The following PAGE4 variants were observed in gnomAD, a reference collection of about 807,000 sequenced individuals.
PAGE4 encodes PAGE family member 4.
Under a neutral mutation model 8.5 loss-of-function variants are expected in PAGE4, and 1 was observed. The ratio of observed to expected loss-of-function variants is 0.12; its 90% CI spans 0.04 to 0.56. The LOEUF is 0.56. Ranked by LOEUF, PAGE4 falls within the 20% of genes least tolerant of loss-of-function variation. The pLI, the probability that PAGE4 is intolerant of heterozygous loss-of-function variation, is 0.91. For missense variants in PAGE4, 93 were observed against 82.7 expected (o/e 1.13, Z -0.49); for synonymous variants, 26 against 26.3 (o/e 0.99, Z 0.04).
Position 49,831,077 on chromosome X carries a change from G to C in PAGE4, c.159G>C (p.Pro53=), listed in dbSNP as rs368401157. 8 of 1,152,160 alleles carry C rather than the reference G, an allele frequency of 6.9e-6. No individual in the cohort carries two copies. The African/African-American group carries it at 1.4e-4, about 21-fold the overall frequency. 95.0% of individuals were successfully genotyped at this position (1,152,160 alleles called of 1,213,427 possible). The change falls in exon 3 of 5, where the codon CCG becomes CCC. Residue 53 remains proline, a synonymous_variant. Coordinates refer to ENST00000218068, the MANE Select transcript of PAGE4 (RefSeq NM_007003.4). ...EPGQEREGTP[P]IEERKVEGDC... is the part of the protein sequence containing the mutation. ...GACAAGAGAGAGAAGGAACACCTCC[G>C]ATCGAAGGTGAGAAGGGCATGGAGG...
Position 49,830,470 on chromosome X carries a change from T to C in PAGE4, c.42T>C (p.Asp14=), listed in dbSNP as rs782528972. 7 of 1,204,280 alleles carry C rather than the reference T, an allele frequency of 5.8e-6. No homozygotes were observed. Among genetic ancestry groups the C allele is most frequent in the South Asian group, 5.4e-5 (3 of 55,941 alleles). The stretch of plus-strand genomic sequence containing the variant: ...GATCAAGATCCAGAGGAAGAGGAGA[T>C]GGTCAGGAGGCTCCCGATGTGGTTG... ...RVRSRSRGRG[D]GQEAPDVVAF... Residue 14 remains aspartate (D), a synonymous_variant, in exon 2 of 5, where the codon GAT becomes GAC. Transcript: ENST00000218068.
chrX:49,829,591 A>T (rs1417660845), intron 1 of PAGE4: 1 of 112,494 alleles, frequency 8.9e-6, no homozygotes, highest in African/African-American at 3.2e-5. Context: ...GAAACTGTCC[A>T]TAAAGGACGG....
At chrX:49,831,131 T>C (rs1923467295) in intron 3 of PAGE4, 47 bp downstream of exon 3, 1 of 839,954 alleles carries the variant, frequency 1.2e-6, no homozygotes, top group Admixed American at 3.1e-5. Flanking sequence ...TATGATTTTA[T>C]ACTAGTAACA....
chrX:49,833,976 C>G lies in PAGE4; in HGVS notation c.*114C>G. On this transcript the variant is annotated 3_prime_UTR_variant, in exon 5 of 5. Coordinates refer to ENST00000218068, the MANE Select transcript of PAGE4 (RefSeq NM_007003.4). Reference sequence around the variant, plus strand: ...TTGAGTTTTCTCTGAAGAAGTCATGCGTGTCTTTTGTAAAATTTATTCCTA... The same window carrying G: ...TTGAGTTTTCTCTGAAGAAGTCATGGGTGTCTTTTGTAAAATTTATTCCTA... The G allele has an allele frequency of 2.0e-6, 1 of 509,148 alleles. No individual in the cohort carries two copies. Among genetic ancestry groups the G allele is most frequent in the Non-Finnish European group, 3.4e-6 (1 of 298,428 alleles). The allele number at this position is 509,148 out of a possible 1,213,427, so 42.0% of individuals were successfully genotyped here. A position where few individuals can be genotyped will look rare whatever the true frequency, so the allele number is the denominator to read the frequency against.
In PAGE4 at chrX:49,833,990, A is replaced by C; in HGVS notation, c.*128A>C. ...AAGAAGTCATGCGTGTCTTTTGTAA[A>C]ATTTATTCCTAGGAAATTGACACTA... On this transcript the variant is annotated 3_prime_UTR_variant, in exon 5 of 5. Coordinates refer to ENST00000218068, the MANE Select transcript of PAGE4 (RefSeq NM_007003.4). 4.2e-6 allele frequency: 2 copies of C among 479,514 alleles called. No homozygotes were observed. Among genetic ancestry groups the C allele is most frequent in the Non-Finnish European group, 7.3e-6 (2 of 273,482 alleles). The allele number at this position is 479,514 out of a possible 1,213,427, so 39.5% of individuals were successfully genotyped here.
chrX:49,832,108 G>A (rs1557156683), intron 3 of PAGE4, among the ~76,000 whole-genome samples: 1 of 111,470 alleles, frequency 9.0e-6, no homozygotes, highest in Non-Finnish European at 1.9e-5. Flanking sequence ...CTTTAATTTG[G>A]GTTTGTCTTA....
chrX:49,829,415 C>T (rs1923404398), intron 1 of PAGE4, 64 bp downstream of exon 1: 1 of 112,263 alleles, frequency 8.9e-6, no homozygotes, highest in African/African-American at 3.3e-5. Context: ...CACTGTGGTC[C>T]CTGGCCTCAG....
chrX:49,833,090 G>A, intron 4 of PAGE4, among the ~76,000 whole-genome samples: 1 of 112,119 alleles, frequency 8.9e-6, no homozygotes, highest in Middle Eastern at 4.6e-3. Context: ...GAGCTAGACT[G>A]AGAAACAGTA....
intron 1 of PAGE4, chrX:49,829,673 T>C: frequency 8.8e-6 from 1 of 113,039 alleles, no homozygotes; most frequent in Non-Finnish European, 1.9e-5. Context: ...GCCTCAGTGC[T>C]CGTGTTCACT....
Position 49,830,455 on chromosome X carries a change from C to T in PAGE4, c.27C>T (p.Ser9=). 8.3e-7 allele frequency: 1 copy of T among 1,205,499 alleles called. No individual in the cohort carries two copies. The highest frequency in any genetic ancestry group is 1.7e-5 in the African/African-American group (1 of 57,658). Residue 9 remains serine (S), a synonymous_variant, in exon 2 of 5, where the codon TCC becomes TCT. Transcript: ENST00000218068. ...TGAGTGCACGAGTGAGATCAAGATC[C>T]AGAGGAAGAGGAGATGGTCAGGAGG... MSARVRSR[S]RGRGDGQEAP... is the part of the protein sequence containing the mutation.
rs782005075 is a variant in PAGE4 at position 49,832,572 on chromosome X, C to T, written c.214C>T (p.Arg72Trp). The change falls in exon 4 of 5, where the codon CGG becomes TGG. Residue 72 changes from arginine to tryptophan, a missense_variant. Transcript: ENST00000218068. Reference sequence around the variant, plus strand: ...CCAGGAAATGGATCTGGAAAAGACTCGGAGTGAGCGTGGAGATGGCTCTGA... The same window carrying T: ...CCAGGAAATGGATCTGGAAAAGACTTGGAGTGAGCGTGGAGATGGCTCTGA... Reference protein sequence around the residue: ...DCQEMDLEKTRSERGDGSDVK... With the variant: ...DCQEMDLEKTWSERGDGSDVK... The T allele has an allele frequency of 1.3e-5, 15 of 1,191,363 alleles. No homozygotes were observed. The highest frequency in any genetic ancestry group is 3.0e-5 in the East Asian group (1 of 33,652).
At chrX:49,831,344 A>G (rs782810449) in intron 3 of PAGE4, 1 of 313,639 alleles carries the variant, frequency 3.2e-6, no homozygotes, top group Non-Finnish European at 5.4e-6. Context: ...ACAAAAGGAA[A>G]CTACATTAAA....
At chrX:49,830,758 G>C (rs1182076156) in intron 2 of PAGE4, 1 of 431,868 alleles carries the variant, frequency 2.3e-6, no homozygotes, top group African/African-American at 2.5e-5. Flanking sequence ...AAATAATACA[G>C]CCCAGAGAAG....
intron 3 of PAGE4, chrX:49,831,293 A>G (rs1291882914): frequency 2.6e-6 from 1 of 382,073 alleles, no homozygotes; most frequent in Non-Finnish European, 4.4e-6. Context: ...TCTTTGGCAT[A>G]CTTGGAAAAT....
In PAGE4 at chrX:49,830,872, G is replaced by C. The variant is rs1378574122; in HGVS notation, c.79-125G>C. On this transcript the variant is annotated intron_variant, in intron 2 of 4. Transcript: ENST00000218068. ...TTAAGAGTACTTACAGAGAAGATAGGAAAAACCTCTTCAGATTTATTTGTG... is the reference window on the plus strand; with the variant it reads ...TTAAGAGTACTTACAGAGAAGATAGCAAAAACCTCTTCAGATTTATTTGTG... The C allele has an allele frequency of 8.0e-6, 4 of 500,486 alleles. No individual in the cohort carries two copies. The East Asian group carries it at 1.5e-4, about 19-fold the overall frequency. The allele number at this position is 500,486 out of a possible 1,213,427, so 41.2% of individuals were successfully genotyped here.
intron 4 of PAGE4, among the ~76,000 whole-genome samples, chrX:49,833,092 G>A (rs1923527148): frequency 8.9e-6 from 1 of 112,076 alleles, no homozygotes; most frequent in South Asian, 3.7e-4. Flanking sequence ...GCTAGACTGA[G>A]AAACAGTAGC....
At chrX:49,833,196 C>T (rs1251251879) in intron 4 of PAGE4, among the ~76,000 whole-genome samples, 1 of 111,551 alleles carries the variant, frequency 9.0e-6, no homozygotes, top group African/African-American at 3.3e-5. Context: ...TATCTGGCCT[C>T]CAACCATGTA....
chrX:49,833,301 C>T (rs1467979767), intron 4 of PAGE4, among the ~76,000 whole-genome samples: 7 of 111,567 alleles, frequency 6.3e-5, no homozygotes, highest in African/African-American at 2.0e-4. Context: ...CAAATGGCCA[C>T]CCTGGTATAA....
chrX:49,830,959 T>C, intron 2 of PAGE4, 38 bp from the exon 3 acceptor site: 1 of 893,867 alleles, frequency 1.1e-6, no homozygotes, highest in African/African-American at 2.0e-5. Context: ...TTAATAACAA[T>C]ATTCTATTTG....
Sources: gnomAD v4.1 joint callset for allele counts (sites outside exome capture counted in the v4.1 genomes callset) on GRCh38, gnomAD v4.1.1 for gene constraint, MANE v1.5 for transcripts, NCBI Gene and HGNC (gene_info 2026-07-23, HGNC 2026-07-21) for gene names.